The following FILIP1 variants were observed in gnomAD, a reference collection of about 807,000 sequenced individuals.
FILIP1 encodes the protein filamin-A-interacting protein 1.
In FILIP1, 61 loss-of-function variants were observed where a neutral mutation model predicts 102.1. The observed-to-expected ratio is 0.60, with a 90% CI of 0.49 to 0.74. FILIP1 has a LOEUF of 0.74. Ranked by LOEUF, FILIP1 falls within the 30% of genes least tolerant of loss-of-function variation. The pLI is 0.00. For synonymous variants in FILIP1, 491 were observed against 526.9 expected (o/e 0.93, Z 0.93); for missense variants, 1,314 against 1,441.2 (o/e 0.91, Z 1.43).
At chr6:75,423,016 C>CA (rs1777517578) in intron 1 of FILIP1, among the ~76,000 whole-genome samples, 1 of 152,130 alleles carries the variant, frequency 6.6e-6, no homozygotes, top group Admixed American at 6.6e-5. Context: ...TGCTAAGAAA[C>CA]ATACAGTGCA....
rs1369377900 is a variant in FILIP1, at chr6:75,441,670, C to CG, written c.-6-26693_-6-26692insC. Among the ~76,000 whole-genome samples, 641 of 147,476 alleles carry CG rather than the reference C, an allele frequency of 4.3e-3. 13 individuals are homozygous for CG. The highest frequency in any genetic ancestry group is 0.015 in the African/African-American group (593 of 38,694). ...TGGCCGGGCGGGGGGCTGACGCCCC[C>CG]ACCTCCCTCCCTGACGGGGCGGCTG... On this transcript the variant is annotated intron_variant, in intron 1 of 5. Coordinates refer to ENST00000237172, the MANE Select transcript of FILIP1 (RefSeq NM_015687.5).
chr6:75,407,195 A>G (rs1776888464), intron 2 of FILIP1, among the ~76,000 whole-genome samples: 2 of 152,132 alleles, frequency 1.3e-5, no homozygotes, highest in African/African-American at 4.8e-5. Flanking sequence ...GAAGTTTCTA[A>G]CAATCCACAG....
At position 75,353,665 on chromosome 6, in the gene FILIP1, T is replaced by C. The variant is rs201901477; in HGVS notation, c.503A>G (p.Gln168Arg). ...ATGACACTTCTCGGCCAGCAACAGC[T>C]GCTCTAGCATGCGCCGGTAGGTTTC... ...QKETYRRMLE[Q>R]LLLAEKCHRR... The change falls in exon 4 of 6, where the codon CAG becomes CGG. Residue 168 changes from glutamine to arginine, a missense_variant. Gln to Arg is a conservative substitution (Grantham distance 43, BLOSUM62 1). This residue lies in a region of FILIP1 where 494 missense variants were observed against 511.2 expected (regional missense o/e 0.97). Coordinates refer to ENST00000237172, the MANE Select transcript of FILIP1 (RefSeq NM_015687.5). 15 of 1,614,052 alleles carry C rather than the reference T, an allele frequency of 9.3e-6. No homozygotes were observed. The Admixed American group carries it at 2.5e-4, about 27-fold the overall frequency.
Position 75,308,825 on chromosome 6 carries a change from T to A in FILIP1, c.3508A>T (p.Lys1170Ter). The change falls in exon 6 of 6, where the codon AAG becomes TAG. Residue 1170 changes from lysine to a stop codon, truncating the protein, a stop_gained. Transcript: ENST00000237172. LOFTEE classifies it high-confidence loss of function. ...GCTCCTGGGGCTGCCACTACTGGCT[T>A]TCCTGCTTTCATACCTTTTGACATA... is the stretch of plus-strand genomic sequence containing the variant. ...IPMSKGMKAGKPVVAAPGAGN... is the reference protein window; with the variant it reads ...IPMSKGMKAG 1.9e-6 allele frequency: 3 copies of A among 1,614,168 alleles called. No individual in the cohort carries two copies. The highest frequency in any genetic ancestry group is 1.7e-6 in the Non-Finnish European group (2 of 1,180,022).
chr6:75,384,153 T>A (rs886949098), intron 2 of FILIP1, among the ~76,000 whole-genome samples: 1 of 152,172 alleles, frequency 6.6e-6, no homozygotes, highest in African/African-American at 2.4e-5. Flanking sequence ...TTTACCTGAA[T>A]CTATAACCTA....
chr6:75,480,268 T>A (rs2149777242), intron 1 of FILIP1, among the ~76,000 whole-genome samples: 1 of 152,306 alleles, frequency 6.6e-6, no homozygotes, highest in East Asian at 1.9e-4. Context: ...ATACTACATT[T>A]TTATAGTATT....
intron 1 of FILIP1, chr6:75,458,254 A>T (rs891288336): frequency 6.6e-6 from 1 of 152,190 alleles, no homozygotes; most frequent in Non-Finnish European, 1.5e-5. Context: ...GAGGCCAGGG[A>T]TGCTGTTAAA....
chr6:75,456,448 C>T (rs12212816), intron 1 of FILIP1, among the ~76,000 whole-genome samples: 56,196 of 152,030 alleles, frequency 0.37, 12,153 homozygotes, highest in Non-Finnish European at 0.51. Context: ...ATACAGGATG[C>T]TCAGTTAAGT....
chr6:75,457,612 G>GTCTCTCTCTC (rs68150078), intron 1 of FILIP1, among the ~76,000 whole-genome samples: 7,624 of 142,498 alleles, frequency 0.054, 299 homozygotes, highest in South Asian at 0.076. Flanking sequence ...TTCAAACAAA[G>GTCTCTCTCTC]TCTCTCTCTC....
In FILIP1 at chr6:75,362,762, A is replaced by G. The variant is rs1258494624; in HGVS notation, c.432T>C (p.Tyr144=). The part of the protein sequence containing the change: ...AQEKSIGEDV[Y]EKPISELDRL... Reference sequence around the variant, plus strand: ...TTTTTACCTCTGAAATCGGTTTCTCATAGACATCTTCTCCTATGGATTTCT... The same window carrying G: ...TTTTTACCTCTGAAATCGGTTTCTCGTAGACATCTTCTCCTATGGATTTCT... Residue 144 remains tyrosine, a synonymous_variant, in exon 3 of 6, where the codon TAT becomes TAC. Coordinates refer to ENST00000237172, the MANE Select transcript of FILIP1 (RefSeq NM_015687.5). The G allele has an allele frequency of 2.5e-6, 4 of 1,613,414 alleles. No homozygotes were observed. The African/African-American group carries it at 5.3e-5, about 22-fold the overall frequency.
intron 4 of FILIP1, among the ~76,000 whole-genome samples, chr6:75,344,815 A>G (rs1412376663): frequency 6.6e-6 from 1 of 152,226 alleles, no homozygotes; most frequent in Non-Finnish European, 1.5e-5. Flanking sequence ...CTATCTGGTA[A>G]TATCCTGAAA....
At chr6:75,408,944 C>A (rs1776964784) in intron 2 of FILIP1, among the ~76,000 whole-genome samples, 1 of 152,114 alleles carries the variant, frequency 6.6e-6, no homozygotes, top group South Asian at 2.1e-4. Flanking sequence ...CCTGTGGCAT[C>A]CCTGCCTGCT....
chr6:75,442,885 C>T (rs972024728), intron 1 of FILIP1, among the ~76,000 whole-genome samples: 2 of 152,196 alleles, frequency 1.3e-5, no homozygotes, highest in African/African-American at 4.8e-5. Context: ...TCTTAACAAC[C>T]CTGCAAAGGA....
chr6:75,476,010 G>C (rs1353469875), intron 1 of FILIP1, among the ~76,000 whole-genome samples: 1 of 152,156 alleles, frequency 6.6e-6, no homozygotes, highest in African/African-American at 2.4e-5. Context: ...GAAGGCCGAG[G>C]CAGGAGGTTC....
chr6:75,482,815 A>G (rs984001509), intron 1 of FILIP1, among the ~76,000 whole-genome samples: 1 of 152,196 alleles, frequency 6.6e-6, no homozygotes, highest in African/African-American at 2.4e-5. Flanking sequence ...CAATCAATGG[A>G]AACTGGTCAT....
chr6:75,476,854 C>T (rs1437513588), intron 1 of FILIP1, among the ~76,000 whole-genome samples: 1 of 152,202 alleles, frequency 6.6e-6, no homozygotes, highest in Non-Finnish European at 1.5e-5. Flanking sequence ...GACAGACCAT[C>T]TTTCTGCTCC....
rs1165104286 is a variant in FILIP1, at chr6:75,353,685, G to A, written c.483C>T (p.Thr161=). The change falls in exon 4 of 6, where the codon ACC becomes ACT. Residue 161 remains threonine, a synonymous_variant. Coordinates refer to ENST00000237172, the MANE Select transcript of FILIP1 (RefSeq NM_015687.5). Reference sequence around the variant, plus strand: ...ACAGCTGCTCTAGCATGCGCCGGTAGGTTTCTTTCTGTTTTTCCTCAAGTC... The same window carrying A: ...ACAGCTGCTCTAGCATGCGCCGGTAAGTTTCTTTCTGTTTTTCCTCAAGTC... ...LDRLEEKQKE[T]YRRMLEQLLL... is the part of the protein sequence containing the mutation. 1 of 1,613,894 alleles carries A rather than the reference G, an allele frequency of 6.2e-7. No homozygotes were observed. The highest frequency in any genetic ancestry group is 8.5e-7 in the Non-Finnish European group (1 of 1,180,012).
rs200546668 is a variant in FILIP1 at position 75,389,997 on chromosome 6, A to AAAAC, written c.276+24696_276+24699dup. 6.4e-3 allele frequency among the ~76,000 whole-genome samples: 978 copies of AAAAC among 152,224 alleles called. 6 individuals carry two copies. The highest frequency in any genetic ancestry group is 0.022 in the African/African-American group (907 of 41,530). On this transcript the variant is annotated intron_variant, in intron 2 of 5. Transcript: ENST00000237172. ...TGCACTTCAGAATCATCCAAAGCTT[A>AAAAC]AAACAAACAAACAAACAAACAAACA...
chr6:75,335,001 T>A (rs1459307093), intron 4 of FILIP1, among the ~76,000 whole-genome samples: 1 of 152,132 alleles, frequency 6.6e-6, no homozygotes, highest in African/African-American at 2.4e-5. Flanking sequence ...GAGGGATACA[T>A]TTGGGGAGGA....
Sources: gnomAD v4.1 joint callset for allele counts (sites outside exome capture counted in the v4.1 genomes callset) on GRCh38, gnomAD v4.1.1 for gene constraint, gnomAD v4.1.1 regional missense constraint, MANE v1.5 for transcripts, NCBI Gene and HGNC (gene_info 2026-07-23, HGNC 2026-07-21) for gene names.